The following AURKA variants were observed in gnomAD, a reference collection of about 807,000 sequenced individuals.
The protein encoded by AURKA is aurora kinase A.
In AURKA, 12 loss-of-function variants were observed where a neutral mutation model predicts 40.9. The ratio of observed to expected loss-of-function variants is 0.29; its 90% CI spans 0.19 to 0.48. The LOEUF (loss-of-function observed/expected upper bound fraction) is 0.48. AURKA is among the 20% of genes least tolerant of loss of function. The pLI is 0.99. For synonymous variants in AURKA, 170 were observed against 164.3 expected (o/e 1.03, Z -0.26); for missense variants, 322 against 462.1 (o/e 0.70, Z 2.78).
At chr20:56,389,494 TC>T (rs1349677762) in intron 1 of AURKA, among the ~76,000 whole-genome samples, 1 of 152,088 alleles carries the variant, frequency 6.6e-6, no homozygotes, top group African/African-American at 2.4e-5. Context: ...CTTCTCCATC[TC>T]CAATTACTCC....
rs1984535430 is a variant in AURKA at position 56,373,472 on chromosome 20, GAAGT to G, written c.786_789del (p.Leu262PhefsTer38). 6.2e-7 allele frequency: 1 copy of G among 1,614,206 alleles called. No homozygotes were observed. The highest frequency in any genetic ancestry group is 1.1e-5 in the South Asian group (1 of 91,090). On this transcript the variant is annotated frameshift_variant, in exon 7 of 9. Coordinates refer to ENST00000395915, the MANE Select transcript of AURKA (RefSeq NM_198437.3). LOFTEE classifies it high-confidence loss of function. This position sits in a 1 kb window ranked among gnomAD's most constrained non-coding sequence, Gnocchi z 5.0. ...ATTTTAAGCTCTCCAGCTGATCCAAGAAGTAAGTTCTCTGGCTTAATGTCTCTAT... is the reference window on the plus strand; with the variant it reads ...ATTTTAAGCTCTCCAGCTGATCCAAGAAGTTCTCTGGCTTAATGTCTCTAT...
intron 1 of AURKA, chr20:56,391,847 C>T (rs574365824): frequency 6.6e-6 from 1 of 152,418 alleles, no homozygotes; most frequent in East Asian, 1.9e-4. Flanking sequence ...ACCTTCTGTG[C>T]TTTTCTTACC....
At chr20:56,391,707 C>T (rs1190217324) in intron 1 of AURKA, among the ~76,000 whole-genome samples, 1 of 152,118 alleles carries the variant, frequency 6.6e-6, no homozygotes, top group Non-Finnish European at 1.5e-5. Context: ...TTAGGCTATT[C>T]TATCTAAAGC....
rs376686505 is a variant in AURKA at position 56,370,372 on chromosome 20, A to C, written c.1030-32T>G. The C allele has an allele frequency of 2.5e-6, 4 of 1,613,956 alleles. No homozygotes were observed. In the African/African-American group the frequency reaches 5.3e-5, roughly 22 times the overall value. The stretch of plus-strand genomic sequence containing the variant: ...TACAACAAATGATAAAATATCACAA[A>C]ACACAGGTTAGAGAGATCAAATAGT... On this transcript the variant is annotated intron_variant, in intron 8 of 8. Coordinates refer to ENST00000395915, the MANE Select transcript of AURKA (RefSeq NM_198437.3).
intron 2 of AURKA, 30 bp from the exon 3 acceptor site, chr20:56,386,563 G>A (rs746937221): frequency 8.1e-6 from 13 of 1,613,486 alleles, no homozygotes; most frequent in Non-Finnish European, 1.1e-5. Flanking sequence ...AAACTTTCTG[G>A]CATTCATGAA....
chr20:56,377,367 T>C (rs1429041032), intron 6 of AURKA, among the ~76,000 whole-genome samples: 1 of 151,514 alleles, frequency 6.6e-6, no homozygotes, highest in African/African-American at 2.4e-5. Context: ...TTGCAAAACA[T>C]GTGTGACAGA....
rs1255490947 is a variant in AURKA at position 56,370,621 on chromosome 20, G to A, written c.893C>T (p.Pro298Leu). The part of the protein sequence containing the change: ...TLCGTLDYLP[P>L]EMIEGRMHDE... ...ATGCATCCGACCTTCAATCATTTCA[G>A]GGGGCAGGTAGTCCAGGGTGCCACA... The change falls in exon 8 of 9, where the codon CCT (proline) becomes CTT (leucine). Residue 298 changes from proline (P) to leucine (L), a missense_variant. By Grantham distance (98) the Pro-to-Leu change is moderately conservative. Transcript: ENST00000395915. 1 of 1,614,194 alleles carries A rather than the reference G, an allele frequency of 6.2e-7. No individual in the cohort carries two copies. The highest frequency in any genetic ancestry group is 1.1e-5 in the South Asian group (1 of 91,086).
chr20:56,385,935 T>C (rs1013808619), intron 3 of AURKA, among the ~76,000 whole-genome samples: 8 of 152,262 alleles, frequency 5.3e-5, no homozygotes, highest in Non-Finnish European at 1.2e-4. Context: ...CCCCACACTT[T>C]AGATCTCAGT....
Position 56,382,508 on chromosome 20 carries a change from C to T in AURKA, c.566+477G>A, listed in dbSNP as rs191795990. Among the ~76,000 whole-genome samples, 475 of 152,334 alleles carry T rather than the reference C, an allele frequency of 3.1e-3. 4 individuals are homozygous for T. The highest frequency in any genetic ancestry group is 0.011 in the African/African-American group (443 of 41,580). On this transcript the variant is annotated intron_variant, in intron 5 of 8. Transcript: ENST00000395915. Reference sequence around the variant, plus strand: ...TAGTCAACCTGCAGGTAGCTGCTCGCAATTCCTGCATACCTCAGAATAAGG... The same window carrying T: ...TAGTCAACCTGCAGGTAGCTGCTCGTAATTCCTGCATACCTCAGAATAAGG...
At chr20:56,383,651 A>G (rs897774501) in intron 4 of AURKA, among the ~76,000 whole-genome samples, 25 of 152,228 alleles carry the variant, frequency 1.6e-4, no homozygotes, top group African/African-American at 5.5e-4. Flanking sequence ...TACTAATGGA[A>G]GCGGGATGGA....
intron 7 of AURKA, among the ~76,000 whole-genome samples, chr20:56,371,475 A>G (rs571151034): frequency 6.6e-6 from 1 of 150,768 alleles, no homozygotes; most frequent in Non-Finnish European, 1.5e-5. Flanking sequence ...AAAAAAAAAA[A>G]TTTTCTTAAC....
intron 4 of AURKA, among the ~76,000 whole-genome samples, 176 bp from the exon 5 acceptor site, chr20:56,383,352 C>G (rs903439582): frequency 6.6e-6 from 1 of 152,218 alleles, no homozygotes; most frequent in African/African-American, 2.4e-5. Flanking sequence ...ACATGAAACC[C>G]TGACGTCCCT....
At chr20:56,386,556 C>A (rs771125662) in intron 2 of AURKA, 23 bp from the exon 3 acceptor site, 1 of 1,613,980 alleles carries the variant, frequency 6.2e-7, no homozygotes, top group African/African-American at 1.3e-5. Flanking sequence ...AGAAAATAAA[C>A]TTTCTGGCAT....
At chr20:56,384,564 C>T (rs1986127810) in intron 3 of AURKA, among the ~76,000 whole-genome samples, 1 of 151,906 alleles carries the variant, frequency 6.6e-6, no homozygotes, top group Non-Finnish European at 1.5e-5. Context: ...ATAGACAGGC[C>T]CTTCTCTGAT....
chr20:56,380,122 T>C (rs969970184), intron 6 of AURKA, among the ~76,000 whole-genome samples: 56 of 151,522 alleles, frequency 3.7e-4, no homozygotes, highest in Non-Finnish European at 1.3e-4. Context: ...TTTGGGAGGC[T>C]GAGGTGGGTG....
intron 6 of AURKA, among the ~76,000 whole-genome samples, chr20:56,379,090 A>G (rs1039836894): frequency 6.6e-6 from 1 of 152,200 alleles, no homozygotes; most frequent in African/African-American, 2.4e-5. Context: ...ATCTCATTGC[A>G]TTACAAATGT....
intron 4 of AURKA, among the ~76,000 whole-genome samples, chr20:56,383,748 T>G (rs1358922356): frequency 6.6e-6 from 1 of 152,230 alleles, no homozygotes; most frequent in Non-Finnish European, 1.5e-5. Flanking sequence ...GTCTGTGGGT[T>G]CATTCCTCGC....
At chr20:56,382,761 A>C (rs778742015) in intron 5 of AURKA, among the ~76,000 whole-genome samples, 3 of 151,984 alleles carry the variant, frequency 2.0e-5, no homozygotes, top group Non-Finnish European at 4.4e-5. Context: ...TAACATGCAG[A>C]GCATGGGAGA....
Position 56,388,198 on chromosome 20 carries a change from G to A in AURKA, c.-1C>T. On this transcript the variant is annotated 5_prime_UTR_variant, in exon 2 of 9. Coordinates refer to ENST00000395915, the MANE Select transcript of AURKA (RefSeq NM_198437.3). ...TGCAGTTTTCTTTAGATCGGTCCAT[G>A]ATGCCTGAAAAGAAAAAGAAGAACC... is the stretch of plus-strand genomic sequence containing the variant. 9.6e-7 allele frequency: 1 copy of A among 1,044,906 alleles called. No individual in the cohort carries two copies. The highest frequency in any genetic ancestry group is 1.2e-6 in the Non-Finnish European group (1 of 868,560). The allele number at this position is 1,044,906 out of a possible 1,614,324, so 64.7% of individuals were successfully genotyped here.
Sources: allele counts gnomAD v4.1 joint callset (sites outside exome capture counted in the v4.1 genomes callset), GRCh38; gene constraint gnomAD v4.1.1; non-coding constraint Gnocchi (gnomAD v3.1); transcripts MANE v1.5; gene names NCBI Gene and HGNC (gene_info 2026-07-23, HGNC 2026-07-21).